Variants in ZCWPW2 observed in about 807,000 individuals in gnomAD.
ZCWPW2 encodes the protein zinc finger CW-type PWWP domain protein 2.
A neutral mutation model predicts 46.6 loss-of-function variants in ZCWPW2; 45 were observed. The ratio of observed to expected loss-of-function variants is 0.96; its 90% CI spans 0.76 to 1.24. The LOEUF (loss-of-function observed/expected upper bound fraction) is 1.24, where lower values mean the gene tolerates loss of function less well. Ranked by LOEUF, ZCWPW2 falls within the 50% of genes most tolerant of loss-of-function variation. The pLI, the probability that ZCWPW2 is intolerant of heterozygous loss-of-function variation, is 0.00. For synonymous variants in ZCWPW2, 152 were observed against 137.1 expected (o/e 1.11, Z -0.76); for missense variants, 429 against 403.9 (o/e 1.06, Z -0.53).
chr3:28,453,907 C>G (rs901825227), intron 4 of ZCWPW2, among the ~76,000 whole-genome samples: 1 of 150,232 alleles, frequency 6.7e-6, no homozygotes, highest in Non-Finnish European at 1.5e-5. Flanking sequence ...TGCAGTGGCG[C>G]GATCTCGGCT....
At chr3:28,488,695 C>T (rs1699692128) in intron 5 of ZCWPW2, among the ~76,000 whole-genome samples, 1 of 152,170 alleles carries the variant, frequency 6.6e-6, no homozygotes, top group African/African-American at 2.4e-5. Context: ...TGCAGCTCCT[C>T]TTTTGCACTT....
rs775752071 is a variant in ZCWPW2 at position 28,413,346 on chromosome 3, A to T, written c.278A>T (p.Tyr93Phe). 1 of 1,612,476 alleles carries T rather than the reference A, an allele frequency of 6.2e-7. No individual in the cohort carries two copies. Residue 93 changes from tyrosine to phenylalanine, a missense_variant, in exon 3 of 10, where the codon TAT becomes TTT. Physicochemically the swap from Tyr to Phe is conservative, Grantham distance 22. Coordinates refer to ENST00000383768, the MANE Select transcript of ZCWPW2 (RefSeq NM_001040432.4). ...QLHQCGFKIV[Y>F]SQLPLGSLVL... Reference sequence around the variant, plus strand: ...CATCAGTGTGGATTTAAGATTGTCTATTCACAGCTCCCTCTTGGAAGCCTG... The same window carrying T: ...CATCAGTGTGGATTTAAGATTGTCTTTTCACAGCTCCCTCTTGGAAGCCTG...
At chr3:28,375,034 GT>G in intron 1 of ZCWPW2, among the ~76,000 whole-genome samples, 1 of 151,544 alleles carries the variant, frequency 6.6e-6, no homozygotes, top group Non-Finnish European at 1.5e-5. Context: ...ATTTATAATT[GT>G]TTTGCTGAAT....
chr3:28,474,584 A>AGC (rs1699155984), intron 4 of ZCWPW2, among the ~76,000 whole-genome samples: 1 of 104,184 alleles, frequency 9.6e-6, no homozygotes, highest in East Asian at 2.7e-4. Flanking sequence ...CTTTAAATAC[A>AGC]GCGTGTGTGT....
intron 1 of ZCWPW2, among the ~76,000 whole-genome samples, chr3:28,362,396 C>A (rs548123564): frequency 1.3e-5 from 2 of 152,072 alleles, no homozygotes; most frequent in East Asian, 1.9e-4. Context: ...AAAAAACAAG[C>A]CCATTAAAAA....
intron 4 of ZCWPW2, among the ~76,000 whole-genome samples, chr3:28,465,609 A>G (rs1413562950): frequency 6.6e-6 from 1 of 152,210 alleles, no homozygotes; most frequent in Non-Finnish European, 1.5e-5. Context: ...TAGGATTGCT[A>G]CTATTATGTA....
chr3:28,399,262 A>G (rs2125726069), intron 2 of ZCWPW2, among the ~76,000 whole-genome samples: 1 of 152,194 alleles, frequency 6.6e-6, no homozygotes, highest in Admixed American at 6.5e-5. Flanking sequence ...CCCATCCTCC[A>G]CAGCAGCTGC....
intron 1 of ZCWPW2, among the ~76,000 whole-genome samples, chr3:28,384,428 CT>C (rs1695200255): frequency 6.6e-6 from 1 of 151,998 alleles, no homozygotes; most frequent in Non-Finnish European, 1.5e-5. Context: ...TTTCCTGAAG[CT>C]TTTCTACTGA....
intron 4 of ZCWPW2, among the ~76,000 whole-genome samples, chr3:28,470,515 A>G (rs1226733347): frequency 2.0e-5 from 3 of 150,570 alleles, no homozygotes; most frequent in African/African-American, 7.3e-5. Context: ...AAAAAAAAGG[A>G]AGGAAATTTA....
At chr3:28,401,616 G>A (rs565760283) in intron 2 of ZCWPW2, among the ~76,000 whole-genome samples, 29 of 152,170 alleles carry the variant, frequency 1.9e-4, no homozygotes, top group African/African-American at 6.3e-4. Context: ...CATTTCATCC[G>A]ACAACTGCAG....
intron 1 of ZCWPW2, among the ~76,000 whole-genome samples, chr3:28,379,635 T>C (rs899725666): frequency 1.3e-5 from 2 of 152,188 alleles, no homozygotes; most frequent in Non-Finnish European, 2.9e-5. Context: ...ACACTGGATG[T>C]ATTAACACCA....
At chr3:28,486,220 C>A (rs561053759) in intron 5 of ZCWPW2, among the ~76,000 whole-genome samples, 1 of 152,156 alleles carries the variant, frequency 6.6e-6, no homozygotes, top group Non-Finnish European at 1.5e-5. Flanking sequence ...ACAGACTATG[C>A]CTTCTCATCC....
rs576882554 is a variant in ZCWPW2 at position 28,395,971 on chromosome 3, T to C, written c.-14+5354T>C. Among the ~76,000 whole-genome samples, 3 of 152,290 alleles carry C rather than the reference T, an allele frequency of 2.0e-5. No homozygotes were observed. The South Asian group carries it at 6.2e-4, about 32-fold the overall frequency. On this transcript the variant is annotated intron_variant, in intron 2 of 9. Coordinates refer to ENST00000383768, the MANE Select transcript of ZCWPW2 (RefSeq NM_001040432.4). ...ATTGTGGTAAGTATTTTGCAATGTA[T>C]CTATGTCAAAACATCATGTTATATA...
chr3:28,380,735 T>A (rs1289982852), intron 1 of ZCWPW2, among the ~76,000 whole-genome samples: 1 of 151,600 alleles, frequency 6.6e-6, no homozygotes, highest in Non-Finnish European at 1.5e-5. Context: ...TTTCCATTTT[T>A]CCCTACATGG....
intron 1 of ZCWPW2, among the ~76,000 whole-genome samples, chr3:28,363,902 T>C (rs1182891782): frequency 6.6e-6 from 1 of 152,192 alleles, no homozygotes; most frequent in Non-Finnish European, 1.5e-5. Context: ...GGACATTCCC[T>C]CCTTTTGTGA....
intron 5 of ZCWPW2, among the ~76,000 whole-genome samples, chr3:28,489,616 C>G (rs1419399411): frequency 2.0e-5 from 3 of 151,028 alleles, no homozygotes; most frequent in African/African-American, 7.3e-5. Context: ...CCTAGTATTC[C>G]AAAGATCAAG....
At chr3:28,426,262 C>A (rs1373505488) in intron 3 of ZCWPW2, among the ~76,000 whole-genome samples, 2 of 151,466 alleles carry the variant, frequency 1.3e-5, no homozygotes, top group African/African-American at 2.4e-5. Context: ...AAAAATTGAT[C>A]ATATGCTATT....
chr3:28,484,373 G>A (rs1031772827), intron 5 of ZCWPW2, among the ~76,000 whole-genome samples: 3 of 152,230 alleles, frequency 2.0e-5, no homozygotes, highest in Non-Finnish European at 4.4e-5. Flanking sequence ...CTTCCTATAT[G>A]TTTGATAGCA....
chr3:28,480,773 G>T (rs1575185807), intron 5 of ZCWPW2, among the ~76,000 whole-genome samples: 1 of 151,962 alleles, frequency 6.6e-6, no homozygotes, highest in African/African-American at 2.4e-5. Flanking sequence ...ATAAGGAAGT[G>T]GGGCAGGGTC....
Sources: allele counts gnomAD v4.1 joint callset (sites outside exome capture counted in the v4.1 genomes callset), GRCh38; gene constraint gnomAD v4.1.1; transcripts MANE v1.5; gene names NCBI Gene and HGNC (gene_info 2026-07-23, HGNC 2026-07-21).